RIMS2: variants seen among roughly 807,000 people sequenced by gnomAD.
RIMS2 encodes the protein regulating synaptic membrane exocytosis protein 2.
In RIMS2, 59 loss-of-function variants were observed where a neutral mutation model predicts 174.4. That is an observed-to-expected ratio of 0.34 (90% confidence interval 0.27 to 0.42). The LOEUF (loss-of-function observed/expected upper bound fraction) is 0.42. Among genes scored for constraint, RIMS2 ranks in the 10% least tolerant of loss-of-function variants. The probability of loss-of-function intolerance (pLI) is 1.00; values close to 1 mark genes in which losing one functional copy is unlikely to be tolerated. For missense variants in RIMS2, 1,620 were observed against 1,666.3 expected (o/e 0.97, Z 0.48); for synonymous variants, 606 against 572.5 (o/e 1.06, Z -0.84).
At chr8:103,861,019 C>T (rs2099055964) in intron 3 of RIMS2, among the ~76,000 whole-genome samples, 1 of 151,546 alleles carries the variant, frequency 6.6e-6, no homozygotes, top group South Asian at 2.1e-4. Context: ...ATTACATATA[C>T]AGGTTTGTTA....
chr8:103,712,153 G>A (rs1001300830), intron 2 of RIMS2, among the ~76,000 whole-genome samples: 8 of 146,658 alleles, frequency 5.5e-5, no homozygotes, highest in South Asian at 2.1e-4. Flanking sequence ...CGCCTCACCC[G>A]CTTAATTTTT....
intron 1 of RIMS2, among the ~76,000 whole-genome samples, chr8:103,562,775 C>G (rs556909676): frequency 6.6e-6 from 1 of 152,298 alleles, no homozygotes; most frequent in East Asian, 1.9e-4. Flanking sequence ...AGGGCCCCGT[C>G]CCTGCAGCAA....
intron 6 of RIMS2, among the ~76,000 whole-genome samples, chr8:103,912,978 T>TTG (rs2075985007): frequency 6.9e-6 from 1 of 145,410 alleles, no homozygotes; most frequent in South Asian, 2.2e-4. Context: ...TTGTTTTTTT[T>TTG]TTTTTTTTTT....
chr8:103,519,761 G>C (rs1029886141), intron 1 of RIMS2, among the ~76,000 whole-genome samples: 1 of 107,506 alleles, frequency 9.3e-6, no homozygotes. Flanking sequence ...TTTAACCTCT[G>C]TTTAAATTTA....
chr8:103,742,796 CAG>C (rs1312253056), intron 2 of RIMS2, among the ~76,000 whole-genome samples: 1 of 152,120 alleles, frequency 6.6e-6, no homozygotes, highest in Non-Finnish European at 1.5e-5. Flanking sequence ...CAGAATCTCT[CAG>C]GGGCTCTCTG....
At chr8:104,092,372 T>C (rs2097676688) in intron 19 of RIMS2, among the ~76,000 whole-genome samples, 1 of 151,858 alleles carries the variant, frequency 6.6e-6, no homozygotes, top group Non-Finnish European at 1.5e-5. Context: ...CAAAATTAAC[T>C]AGATAATAAT....
At chr8:103,801,556 T>C (rs1030393275) in intron 3 of RIMS2, among the ~76,000 whole-genome samples, 2 of 152,220 alleles carry the variant, frequency 1.3e-5, no homozygotes, top group African/African-American at 4.8e-5. Flanking sequence ...CTTACACCTA[T>C]ATTTAATTCC....
intron 3 of RIMS2, among the ~76,000 whole-genome samples, chr8:103,823,949 GTTA>G (rs1423479797): frequency 6.6e-6 from 1 of 151,750 alleles, no homozygotes; most frequent in Non-Finnish European, 1.5e-5. Context: ...ATGCATAATT[GTTA>G]TTATAAAATA....
intron 19 of RIMS2, among the ~76,000 whole-genome samples, chr8:104,122,354 G>A (rs151135954): frequency 5.3e-5 from 8 of 152,224 alleles, no homozygotes; most frequent in Admixed American, 2.0e-4. Context: ...GTAGGAGTTC[G>A]TTTTTACCTG....
intron 1 of RIMS2, among the ~76,000 whole-genome samples, chr8:103,649,750 T>A (rs2096414702): frequency 6.6e-6 from 1 of 152,108 alleles, no homozygotes; most frequent in Non-Finnish European, 1.5e-5. Context: ...GTTCTCATGT[T>A]GTGTTTTTCA....
At chr8:103,732,207 TG>T (rs774385858) in intron 2 of RIMS2, among the ~76,000 whole-genome samples, 3 of 152,224 alleles carry the variant, frequency 2.0e-5, no homozygotes, top group Non-Finnish European at 2.9e-5. Context: ...ACCGAGGTGC[TG>T]ATGCCATGGT....
chr8:104,094,419 T>TTTAC, intron 19 of RIMS2: 1 of 561,366 alleles, frequency 1.8e-6, no homozygotes, highest in Non-Finnish European at 3.1e-6. Context: ...GTGTTTTTTC[T>TTTAC]TGACTTTCTT....
At chr8:103,785,895 G>A (rs1208773644) in intron 3 of RIMS2, among the ~76,000 whole-genome samples, 2 of 152,162 alleles carry the variant, frequency 1.3e-5, no homozygotes, top group East Asian at 1.9e-4. Flanking sequence ...GAATCCATCT[G>A]GTCCTGGACT....
At chr8:103,953,204 C>T (rs912329748) in intron 14 of RIMS2, among the ~76,000 whole-genome samples, 1 of 151,956 alleles carries the variant, frequency 6.6e-6, no homozygotes, top group Non-Finnish European at 1.5e-5. Flanking sequence ...GAGAACTTCC[C>T]CAGCCTGGCA....
chr8:104,011,028 A>G (rs1461231222), intron 17 of RIMS2, among the ~76,000 whole-genome samples: 2 of 152,154 alleles, frequency 1.3e-5, no homozygotes, highest in Non-Finnish European at 2.9e-5. Context: ...TCATCTTAAA[A>G]TTAAAACTAA....
chr8:104,076,632 G>A lies in RIMS2; in HGVS notation c.3334+62017G>A, dbSNP rs182888299. Among the ~76,000 whole-genome samples, 361 of 152,034 alleles carry A rather than the reference G, an allele frequency of 2.4e-3. 1 individual carries two copies. Among genetic ancestry groups the A allele is most frequent in the African/African-American group, 7.8e-3 (323 of 41,494 alleles). On this transcript the variant is annotated intron_variant, in intron 19 of 23. Coordinates refer to ENST00000504942, the Ensembl canonical transcript of RIMS2. ...TCTTCAATATATTTTTAGTGATTAGGGTTAAATAAAGACTACAGAGTAGTA... is the reference window on the plus strand; with the variant it reads ...TCTTCAATATATTTTTAGTGATTAGAGTTAAATAAAGACTACAGAGTAGTA...
At chr8:103,835,777 G>A (rs1037405654) in intron 3 of RIMS2, among the ~76,000 whole-genome samples, 8 of 152,186 alleles carry the variant, frequency 5.3e-5, no homozygotes, top group African/African-American at 1.9e-4. Context: ...TGGTTAGCCT[G>A]TTGTCCAGTG....
intron 1 of RIMS2, among the ~76,000 whole-genome samples, chr8:103,556,451 C>A (rs1850494151): frequency 6.6e-6 from 1 of 152,112 alleles, no homozygotes; most frequent in Admixed American, 6.6e-5. Context: ...CTTATACTTT[C>A]AGTGATCCCA....
In RIMS2 at chr8:103,698,399, C is replaced by T. The variant is rs74387496; in HGVS notation, c.387+1103C>T. Among the ~76,000 whole-genome samples the T allele has an allele frequency of 3.8e-3, 578 of 152,264 alleles. 8 individuals carry two copies. The highest frequency in any genetic ancestry group is 0.013 in the African/African-American group (549 of 41,546). ...ACGCTTTTCACAGATGCCATCTATTCCTACTTTGCTGAGTTTGTTGTTGTT... is the reference window on the plus strand; with the variant it reads ...ACGCTTTTCACAGATGCCATCTATTTCTACTTTGCTGAGTTTGTTGTTGTT... On this transcript the variant is annotated intron_variant, in intron 2 of 23. Coordinates refer to ENST00000504942, the Ensembl canonical transcript of RIMS2.
Sources: allele counts gnomAD v4.1 joint callset (sites outside exome capture counted in the v4.1 genomes callset), GRCh38; gene constraint gnomAD v4.1.1; transcripts MANE v1.5; gene names NCBI Gene and HGNC (gene_info 2026-07-23, HGNC 2026-07-21).